SENP8: variants seen among roughly 807,000 people sequenced by gnomAD.
SENP8 encodes SUMO peptidase family member, NEDD8 specific.
SENP8 carries 10 observed loss-of-function variants against 14.4 expected under a neutral mutation model. The ratio of observed to expected loss-of-function variants is 0.69; its 90% confidence interval spans 0.43 to 1.18. SENP8 has a LOEUF of 1.18. Ranked by LOEUF, SENP8 falls within the 50% of genes most tolerant of loss-of-function variation. The pLI is 0.00. For missense variants in SENP8, 202 were observed against 249.4 expected (o/e 0.81, Z 1.28); for synonymous variants, 94 against 95.5 (o/e 0.98, Z 0.09).
chr15:72,119,129 T>C (rs1272988568), intron 1 of SENP8, among the ~76,000 whole-genome samples: 1 of 152,180 alleles, frequency 6.6e-6, no homozygotes, highest in African/African-American at 2.4e-5. Flanking sequence ...AACGAGAATA[T>C]GGCCCTCAGG....
chr15:72,133,769 C>T (rs2081299153), intron 1 of SENP8, among the ~76,000 whole-genome samples: 1 of 152,158 alleles, frequency 6.6e-6, no homozygotes, highest in Non-Finnish European at 1.5e-5. Flanking sequence ...TAGGTTTAAG[C>T]TCAGTAAGGG....
chr15:72,127,682 A>G (rs2081233501), intron 1 of SENP8, among the ~76,000 whole-genome samples: 1 of 152,192 alleles, frequency 6.6e-6, no homozygotes, highest in Non-Finnish European at 1.5e-5. Context: ...ATTTTTAAAC[A>G]ATTATTTTGA....
intron 1 of SENP8, among the ~76,000 whole-genome samples, chr15:72,120,956 A>T (rs1367571021): frequency 6.6e-6 from 1 of 152,246 alleles, no homozygotes; most frequent in African/African-American, 2.4e-5. Flanking sequence ...CAGAACCCTG[A>T]TATTCTAGCC....
At chr15:72,120,437 G>A (rs1267505836) in intron 1 of SENP8, among the ~76,000 whole-genome samples, 1 of 152,218 alleles carries the variant, frequency 6.6e-6, no homozygotes, top group Non-Finnish European at 1.5e-5. Flanking sequence ...GGACAGAGAT[G>A]AAGATGATAA....
rs566994171 is a variant in SENP8 at position 72,141,078 on chromosome 15, G to C, written c.*816G>C. The stretch of plus-strand genomic sequence containing the variant: ...TCCTCCTTATATCCAAAGTTCTTTG[G>C]TTCTAAAATTCATAGTTGATACCTT... On this transcript the variant is annotated 3_prime_UTR_variant, in exon 2 of 2. Transcript: ENST00000340912. 21 of 161,664 alleles carry C rather than the reference G, an allele frequency of 1.3e-4. No individual in the cohort carries two copies. The highest frequency in any genetic ancestry group is 2.0e-4 in the Admixed American group (3 of 15,298). 10.0% of individuals were successfully genotyped at this position (161,664 alleles called of 1,614,324 possible).
intron 1 of SENP8, among the ~76,000 whole-genome samples, chr15:72,122,575 A>C (rs945633387): frequency 5.9e-5 from 9 of 152,212 alleles, no homozygotes; most frequent in African/African-American, 1.9e-4. Flanking sequence ...AACTTCCAGA[A>C]CTAGGTTCTC....
rs1233063011 is a variant in SENP8 at position 72,124,168 on chromosome 15, C to G, written c.-48+5704C>G. 2.0e-5 allele frequency among the ~76,000 whole-genome samples: 3 copies of G among 152,178 alleles called. 1 individual carries two copies. Among genetic ancestry groups the G allele is most frequent in the South Asian group, 4.1e-4 (2 of 4,832 alleles). ...TTTATAAAATTGAGAATATTTCTTA[C>G]ATTTATAACTGTGTTGTGTTTTCCT... On this transcript the variant is annotated intron_variant, in intron 1 of 1. Coordinates refer to ENST00000340912, the MANE Select transcript of SENP8 (RefSeq NM_145204.4).
chr15:72,126,200 T>G (rs187757468), intron 1 of SENP8, among the ~76,000 whole-genome samples: 4 of 152,282 alleles, frequency 2.6e-5, no homozygotes, highest in Admixed American at 6.5e-5. Context: ...ATACTAGCAC[T>G]AGCCACATGT....
intron 1 of SENP8, among the ~76,000 whole-genome samples, chr15:72,130,497 G>C (rs1025966049): frequency 6.7e-6 from 1 of 150,354 alleles, no homozygotes; most frequent in Non-Finnish European, 1.5e-5. Context: ...CAGTGGGCCA[G>C]ATTTGGCCTG....
chr15:72,134,961 GA>G, intron 1 of SENP8: 1 of 304,584 alleles, frequency 3.3e-6, no homozygotes, highest in Non-Finnish European at 6.4e-6. Flanking sequence ...CTGAAATCGT[GA>G]AGGAAAATGA....
rs1223034687 is a variant in SENP8 at position 72,141,800 on chromosome 15, T to A, written c.*1538T>A. ...TGGAAGATGGGGCTAGGAAAAAGAT[T>A]AGGAACTGGCAGTCATCCATAGAGG... On this transcript the variant is annotated 3_prime_UTR_variant, in exon 2 of 2. Coordinates refer to ENST00000340912, the MANE Select transcript of SENP8 (RefSeq NM_145204.4). 6.6e-6 allele frequency: 1 copy of A among 151,802 alleles called. No homozygotes were observed. Among genetic ancestry groups the A allele is most frequent in the Non-Finnish European group, 1.5e-5 (1 of 68,022 alleles). The allele number at this position is 151,802 out of a possible 1,614,324, so 9.4% of individuals were successfully genotyped here.
upstream of SENP8, among the ~76,000 whole-genome samples, chr15:72,115,192 C>G (rs912111274): frequency 6.6e-6 from 1 of 152,154 alleles, no homozygotes; most frequent in African/African-American, 2.4e-5. Flanking sequence ...AAATATTCAA[C>G]TCTACCTGTA....
At position 72,140,536 on chromosome 15, in the gene SENP8, G is replaced by A. The variant is rs781405311; in HGVS notation, c.*274G>A. The A allele has an allele frequency of 4.3e-5, 17 of 393,986 alleles. No homozygotes were observed. The highest frequency in any genetic ancestry group is 7.6e-5 in the Non-Finnish European group (16 of 210,636). The allele number at this position is 393,986 out of a possible 1,614,324, so 24.4% of individuals were successfully genotyped here. A position where few individuals can be genotyped will look rare whatever the true frequency, so the allele number is the denominator to read the frequency against. On this transcript the variant is annotated 3_prime_UTR_variant, in exon 2 of 2. Transcript: ENST00000340912. The stretch of plus-strand genomic sequence containing the variant: ...AACATTTATTACACACAGGGTTTAC[G>A]TAAGACTTTTCTTATTGGTATATAA...
At chr15:72,124,530 A>G (rs2081198395) in intron 1 of SENP8, among the ~76,000 whole-genome samples, 1 of 152,244 alleles carries the variant, frequency 6.6e-6, no homozygotes, top group South Asian at 2.1e-4. Flanking sequence ...GTGCAAGTTG[A>G]ATCAGACATT....
At chr15:72,124,771 A>C (rs1351293146) in intron 1 of SENP8, among the ~76,000 whole-genome samples, 1 of 152,096 alleles carries the variant, frequency 6.6e-6, no homozygotes, top group Non-Finnish European at 1.5e-5. Context: ...TTATGTGTTC[A>C]TTATTAAAAA....
chr15:72,130,468 C>CT (rs2081262178), intron 1 of SENP8, among the ~76,000 whole-genome samples: 1 of 151,192 alleles, frequency 6.6e-6, no homozygotes, highest in Admixed American at 6.6e-5. Flanking sequence ...TCCAATAAAA[C>CT]TTTATTTATA....
rs2081374371 is a variant in SENP8 at position 72,140,839 on chromosome 15, A to G, written c.*577A>G. 6.0e-6 allele frequency: 1 copy of G among 167,308 alleles called. No individual in the cohort carries two copies. The highest frequency in any genetic ancestry group is 1.5e-5 in the Non-Finnish European group (1 of 68,308). 10.4% of individuals were successfully genotyped at this position (167,308 alleles called of 1,614,324 possible). ...TCACCATGCACAGGCTTTTCCAGCT[A>G]TCTATATAATGTTTGCAAATATTTG... On this transcript the variant is annotated 3_prime_UTR_variant, in exon 2 of 2. Transcript: ENST00000340912.
intron 1 of SENP8, among the ~76,000 whole-genome samples, chr15:72,121,417 G>A (rs1348371201): frequency 3.3e-5 from 5 of 152,094 alleles, no homozygotes; most frequent in African/African-American, 9.7e-5. Context: ...AGAACAATAA[G>A]TTAATTAATT....
intron 1 of SENP8, among the ~76,000 whole-genome samples, chr15:72,133,223 C>T (rs975132930): frequency 6.6e-5 from 10 of 152,126 alleles, no homozygotes; most frequent in Non-Finnish European, 1.2e-4. Context: ...TTTCCCTTAC[C>T]AATTAGTTCT....
Sources: gnomAD v4.1 joint callset for allele counts (sites outside exome capture counted in the v4.1 genomes callset) on GRCh38, gnomAD v4.1.1 for gene constraint, MANE v1.5 for transcripts, NCBI Gene and HGNC (gene_info 2026-07-23, HGNC 2026-07-21) for gene names.